The following HS6ST3 variants were observed in gnomAD, a reference collection of about 807,000 sequenced individuals.
HS6ST3 encodes the protein heparan sulfate 6-O-sulfotransferase 3.
In HS6ST3, 12 loss-of-function variants were observed where a neutral mutation model predicts 36.7. The observed-to-expected ratio is 0.33, with a 90% CI of 0.21 to 0.53. The LOEUF (loss-of-function observed/expected upper bound fraction) is 0.53, where lower values mean the gene tolerates loss of function less well. Ranked by LOEUF, HS6ST3 falls within the 20% of genes least tolerant of loss-of-function variation. The pLI, the probability that HS6ST3 is intolerant of heterozygous loss-of-function variation, is 0.95. For synonymous variants in HS6ST3, 240 were observed against 257.5 expected, an observed-to-expected ratio of 0.93 and a Z score of 0.65; for missense variants, 584 against 640.9, an observed-to-expected ratio of 0.91 and a Z score of 0.96.
intron 1 of HS6ST3, among the ~76,000 whole-genome samples, chr13:96,217,062 TCTC>T (rs893461876): frequency 2.6e-5 from 4 of 152,156 alleles, no homozygotes; most frequent in Non-Finnish European, 5.9e-5. Context: ...AACCTGCTCA[TCTC>T]CTTCTTCGAT....
At chr13:96,791,187 A>G (rs368669048) in intron 1 of HS6ST3, among the ~76,000 whole-genome samples, 51 of 152,182 alleles carry the variant, frequency 3.4e-4, no homozygotes, top group African/African-American at 1.2e-3. Flanking sequence ...AATTTTTCCA[A>G]ACTATTGAAT....
At chr13:96,121,170 G>A (rs1228306133) in intron 1 of HS6ST3, among the ~76,000 whole-genome samples, 1 of 152,190 alleles carries the variant, frequency 6.6e-6, no homozygotes, top group East Asian at 1.9e-4. Context: ...TAAGGTTTTA[G>A]AAATGCCTTC....
intron 1 of HS6ST3, among the ~76,000 whole-genome samples, chr13:96,384,710 T>C (rs2055358761): frequency 6.6e-6 from 1 of 152,154 alleles, no homozygotes; most frequent in South Asian, 2.1e-4. Flanking sequence ...GAAGACTCCT[T>C]AGAAGCAAAT....
chr13:96,407,008 A>T (rs2055482008), intron 1 of HS6ST3, among the ~76,000 whole-genome samples: 1 of 152,170 alleles, frequency 6.6e-6, no homozygotes, highest in Non-Finnish European at 1.5e-5. Flanking sequence ...TCTATAATTC[A>T]GCTTCTAGAT....
At chr13:96,215,660 T>C (rs1187110117) in intron 1 of HS6ST3, among the ~76,000 whole-genome samples, 2 of 140,200 alleles carry the variant, frequency 1.4e-5, no homozygotes, top group East Asian at 4.3e-4. Context: ...ATTTTTTCGT[T>C]TTTTTTCCCT....
At chr13:96,338,075 A>C (rs144051421) in intron 1 of HS6ST3, among the ~76,000 whole-genome samples, 1 of 152,064 alleles carries the variant, frequency 6.6e-6, no homozygotes, top group Non-Finnish European at 1.5e-5. Context: ...ATATAATTTA[A>C]AAGATTTTTT....
chr13:96,216,481 G>T (rs371725670), intron 1 of HS6ST3, among the ~76,000 whole-genome samples: 3 of 152,244 alleles, frequency 2.0e-5, no homozygotes, highest in East Asian at 1.9e-4. Flanking sequence ...TAAAAATTCA[G>T]ATTATTTAAG....
At chr13:96,297,506 G>A (rs1463274071) in intron 1 of HS6ST3, among the ~76,000 whole-genome samples, 1 of 152,106 alleles carries the variant, frequency 6.6e-6, no homozygotes, top group Non-Finnish European at 1.5e-5. Flanking sequence ...GCTCTTTGGT[G>A]TTCCAGGAAC....
At chr13:96,347,333 G>A (rs866414895) in intron 1 of HS6ST3, among the ~76,000 whole-genome samples, 16 of 152,302 alleles carry the variant, frequency 1.1e-4, no homozygotes, top group African/African-American at 3.8e-4. Context: ...AGCACGTTAT[G>A]GTTGACCATT....
chr13:96,236,329 A>G (rs554427894), intron 1 of HS6ST3, among the ~76,000 whole-genome samples: 2 of 152,272 alleles, frequency 1.3e-5, no homozygotes, highest in East Asian at 1.9e-4. Flanking sequence ...AATCCAATCA[A>G]GTTGACACTT....
At chr13:96,534,525 G>A (rs1432121003) in intron 1 of HS6ST3, among the ~76,000 whole-genome samples, 2 of 152,284 alleles carry the variant, frequency 1.3e-5, no homozygotes, top group East Asian at 1.9e-4. Flanking sequence ...GCCTCCATAC[G>A]TGAAGAATCA....
chr13:96,583,843 C>T (rs550789104), intron 1 of HS6ST3, among the ~76,000 whole-genome samples: 4 of 152,254 alleles, frequency 2.6e-5, no homozygotes, highest in South Asian at 4.1e-4. Context: ...TCAACCTCTA[C>T]GCTATTGAGA....
chr13:96,412,979 T>C (rs371420151), intron 1 of HS6ST3, among the ~76,000 whole-genome samples: 11 of 152,218 alleles, frequency 7.2e-5, no homozygotes, highest in African/African-American at 2.4e-4. Flanking sequence ...ATGTCCCTTC[T>C]TTCCACTTTT....
intron 1 of HS6ST3, among the ~76,000 whole-genome samples, chr13:96,237,624 A>G (rs917760349): frequency 6.6e-6 from 1 of 152,192 alleles, no homozygotes; most frequent in Non-Finnish European, 1.5e-5. Flanking sequence ...TGTCTTTAAA[A>G]AATTGTCTAC....
intron 1 of HS6ST3, among the ~76,000 whole-genome samples, chr13:96,200,637 T>G (rs1034608583): frequency 6.6e-6 from 1 of 152,188 alleles, no homozygotes; most frequent in Non-Finnish European, 1.5e-5. Flanking sequence ...TTTTTTCCCA[T>G]TTGTTATATC....
intron 1 of HS6ST3, among the ~76,000 whole-genome samples, chr13:96,438,572 C>G (rs1405246369): frequency 2.6e-5 from 4 of 152,150 alleles, no homozygotes; most frequent in Admixed American, 2.6e-4. Context: ...CATTGTTGTT[C>G]ACATTTCTGA....
intron 1 of HS6ST3, among the ~76,000 whole-genome samples, chr13:96,171,658 C>G (rs973390595): frequency 6.6e-6 from 1 of 152,120 alleles, no homozygotes; most frequent in African/African-American, 2.4e-5. Flanking sequence ...TTCATGGAGC[C>G]CTGAGTTTCT....
chr13:96,202,333 A>G (rs2139352112), intron 1 of HS6ST3, among the ~76,000 whole-genome samples: 1 of 152,312 alleles, frequency 6.6e-6, no homozygotes, highest in East Asian at 1.9e-4. Context: ...CAAAGGTTTT[A>G]ATGCTTTCTA....
chr13:96,432,782 A>G (rs984350968), intron 1 of HS6ST3, among the ~76,000 whole-genome samples: 3 of 151,860 alleles, frequency 2.0e-5, no homozygotes, highest in African/African-American at 7.3e-5. Flanking sequence ...ATTACTTATA[A>G]TTATATCTCT....
Sources: allele counts gnomAD v4.1 joint callset (sites outside exome capture counted in the v4.1 genomes callset), GRCh38; gene constraint gnomAD v4.1.1; transcripts MANE v1.5; gene names NCBI Gene and HGNC (gene_info 2026-07-23, HGNC 2026-07-21).